ATG10: variants seen among roughly 807,000 people sequenced by gnomAD.
ATG10 encodes ubiquitin-like-conjugating enzyme ATG10.
ATG10 carries 30 observed loss-of-function variants against 32.1 expected under a neutral mutation model. That is an observed-to-expected ratio of 0.94 (90% CI 0.70 to 1.27). The LOEUF (loss-of-function observed/expected upper bound fraction) is 1.27, where lower values mean the gene tolerates loss of function less well. Ranked by LOEUF, ATG10 falls within the 50% of genes most tolerant of loss-of-function variation. The probability of loss-of-function intolerance (pLI) is 0.00; values close to 1 mark genes in which losing one functional copy is unlikely to be tolerated. For synonymous variants in ATG10, 87 were observed against 91.5 expected, an observed-to-expected ratio of 0.95 and a Z score of 0.28; for missense variants, 233 against 262.3, an observed-to-expected ratio of 0.89 and a Z score of 0.77.
chr5:82,077,477 G>T (rs568939894), intron 3 of ATG10, among the ~76,000 whole-genome samples: 1 of 152,240 alleles, frequency 6.6e-6, no homozygotes, highest in South Asian at 2.1e-4. Flanking sequence ...TGGGTTTTTG[G>T]ATGTCCTGTT....
intron 3 of ATG10, among the ~76,000 whole-genome samples, chr5:82,102,778 A>G (rs1045045232): frequency 2.6e-5 from 4 of 152,152 alleles, no homozygotes; most frequent in East Asian, 3.8e-4. Context: ...TACTTATTCA[A>G]CCATTTACAG....
chr5:82,217,582 T>TAC (rs141381571), intron 5 of ATG10, among the ~76,000 whole-genome samples: 2 of 151,944 alleles, frequency 1.3e-5, no homozygotes, highest in Non-Finnish European at 2.9e-5. Context: ...TGCATATATA[T>TAC]ACACACACAC....
At chr5:82,253,100 A>G (rs554228326) in intron 6 of ATG10, among the ~76,000 whole-genome samples, 3 of 152,134 alleles carry the variant, frequency 2.0e-5, no homozygotes, top group Non-Finnish European at 4.4e-5. Flanking sequence ...TTCTTCAACT[A>G]CCCTAATGAG....
intron 3 of ATG10, among the ~76,000 whole-genome samples, chr5:82,089,570 C>T (rs1764810962): frequency 6.6e-6 from 1 of 152,192 alleles, no homozygotes; most frequent in Admixed American, 6.5e-5. Flanking sequence ...ACCCTGACCT[C>T]AGTCTCACAC....
chr5:81,976,572 CTT>C (rs1180090211), intron 1 of ATG10, among the ~76,000 whole-genome samples: 1 of 152,202 alleles, frequency 6.6e-6, no homozygotes, highest in Non-Finnish European at 1.5e-5. Flanking sequence ...TAACCACTGA[CTT>C]TTACTGGAAT....
At chr5:82,058,376 C>T in intron 2 of ATG10, 119 bp from the exon 3 acceptor site, 2 of 705,998 alleles carry the variant, frequency 2.8e-6, no homozygotes, top group South Asian at 3.6e-5. Context: ...CATATAGTCT[C>T]ATTTAGTACA....
chr5:82,105,983 G>A (rs977337147), intron 3 of ATG10, among the ~76,000 whole-genome samples: 9 of 152,138 alleles, frequency 5.9e-5, no homozygotes, highest in Admixed American at 1.3e-4. Context: ...AATTAATTTT[G>A]TTATACATTG....
At chr5:82,245,935 T>C (rs927116911) in intron 5 of ATG10, among the ~76,000 whole-genome samples, 1 of 151,652 alleles carries the variant, frequency 6.6e-6, no homozygotes, top group Non-Finnish European at 1.5e-5. Context: ...TTCTGACACA[T>C]TGCTAGAAGA....
At chr5:82,025,487 A>G (rs930684118) in intron 2 of ATG10, among the ~76,000 whole-genome samples, 1 of 152,192 alleles carries the variant, frequency 6.6e-6, no homozygotes, top group Non-Finnish European at 1.5e-5. Context: ...AGATTTACCC[A>G]GATGATTGTC....
intron 3 of ATG10, among the ~76,000 whole-genome samples, chr5:82,139,595 T>C (rs1405144401): frequency 0.1 from 7,278 of 69,936 alleles, no homozygotes; most frequent in South Asian, 0.21. Flanking sequence ...GTGAGGAGCC[T>C]CTCCGCCCGG....
intron 1 of ATG10, among the ~76,000 whole-genome samples, chr5:81,978,818 A>G (rs1398963330): frequency 6.6e-6 from 1 of 152,170 alleles, no homozygotes; most frequent in Admixed American, 6.5e-5. Context: ...AGAAAGGTCC[A>G]AGAAGTGAAC....
At position 82,199,160 on chromosome 5, in the gene ATG10, T is replaced by C. The variant is rs182328020; in HGVS notation, c.453+20573T>C. On this transcript the variant is annotated intron_variant, in intron 5 of 7. Coordinates refer to ENST00000282185, the MANE Select transcript of ATG10 (RefSeq NM_031482.5). ...TATTAAAAGAAAACAAGGTAAGGAA[T>C]CTTCAAATTAAAACAGTATCACCAG... Among the ~76,000 whole-genome samples the C allele has an allele frequency of 1.6e-3, 240 of 152,336 alleles. 2 individuals carry two copies. The highest frequency in any genetic ancestry group is 5.4e-3 in the African/African-American group (224 of 41,574).
chr5:82,066,153 T>C (rs1763937002), intron 3 of ATG10, among the ~76,000 whole-genome samples: 1 of 152,186 alleles, frequency 6.6e-6, no homozygotes, highest in Non-Finnish European at 1.5e-5. Flanking sequence ...AACATTGCTT[T>C]GTATTTTTTT....
chr5:82,082,139 C>G (rs2149782985), intron 3 of ATG10, among the ~76,000 whole-genome samples: 1 of 152,210 alleles, frequency 6.6e-6, no homozygotes, highest in South Asian at 2.1e-4. Context: ...AGTTACAATT[C>G]CAGATGAGAT....
At chr5:82,104,764 G>C (rs1391952275) in intron 3 of ATG10, among the ~76,000 whole-genome samples, 1 of 152,084 alleles carries the variant, frequency 6.6e-6, no homozygotes, top group African/African-American at 2.4e-5. Flanking sequence ...TTAAGGGGGA[G>C]ACAACTTAAG....
At chr5:82,061,560 T>C (rs1290574226) in intron 3 of ATG10, among the ~76,000 whole-genome samples, 3 of 151,800 alleles carry the variant, frequency 2.0e-5, no homozygotes, top group Admixed American at 2.0e-4. Flanking sequence ...CAGGTTTAAT[T>C]ACCCATAGAA....
intron 3 of ATG10, among the ~76,000 whole-genome samples, chr5:82,088,186 A>G (rs1289326182): frequency 1.3e-5 from 2 of 152,038 alleles, no homozygotes; most frequent in Admixed American, 6.6e-5. Flanking sequence ...CATCTTTTAA[A>G]TAAACTTTTT....
chr5:82,177,893 G>A lies in ATG10; in HGVS notation c.356-597G>A, dbSNP rs1244032743. 2.0e-5 allele frequency among the ~76,000 whole-genome samples: 3 copies of A among 151,836 alleles called. No homozygotes were observed. In the East Asian group the frequency reaches 5.8e-4, roughly 29 times the overall value. ...CCAAGTGTTAATATCTCTCTTCCTT[G>A]GACCATCAGTGAGCTTCAGTCTTCT... is the stretch of plus-strand genomic sequence containing the variant. On this transcript the variant is annotated intron_variant, in intron 4 of 7. Transcript: ENST00000282185.
intron 3 of ATG10, among the ~76,000 whole-genome samples, chr5:82,119,499 G>A (rs950464245): frequency 6.6e-5 from 10 of 151,908 alleles, no homozygotes; most frequent in Admixed American, 6.6e-4. Context: ...CTCTCTCTGT[G>A]GCTCAGGCTG....
Sources: allele counts gnomAD v4.1 joint callset (sites outside exome capture counted in the v4.1 genomes callset), GRCh38; gene constraint gnomAD v4.1.1; transcripts MANE v1.5; gene names NCBI Gene and HGNC (gene_info 2026-07-23, HGNC 2026-07-21).